The following NR3C2 variants were observed in gnomAD, a reference collection of about 807,000 sequenced individuals.
NR3C2 encodes the protein mineralocorticoid receptor.
Under a neutral mutation model 86.4 loss-of-function variants are expected in NR3C2, and 15 were observed. The ratio of observed to expected loss-of-function variants is 0.17; its 90% CI spans 0.12 to 0.27. The LOEUF (loss-of-function observed/expected upper bound fraction) is 0.27, where lower values mean the gene tolerates loss of function less well. Ranked by LOEUF, NR3C2 falls within the 10% of genes least tolerant of loss-of-function variation. The pLI is 1.00. For missense variants in NR3C2, 960 were observed against 1,195.6 expected, an observed-to-expected ratio of 0.80 and a Z score of 2.91; for synonymous variants, 458 against 450.5, an observed-to-expected ratio of 1.02 and a Z score of -0.21.
At chr4:148,287,583 C>T (rs1017045422) in intron 2 of NR3C2, among the ~76,000 whole-genome samples, 1 of 152,064 alleles carries the variant, frequency 6.6e-6, no homozygotes, top group Non-Finnish European at 1.5e-5. Context: ...AATTACTATA[C>T]TTAAAAAATT....
chr4:148,336,958 AT>A (rs1292585230), intron 2 of NR3C2, among the ~76,000 whole-genome samples: 1 of 151,566 alleles, frequency 6.6e-6, no homozygotes, highest in Non-Finnish European at 1.5e-5. Context: ...TGCCTGACTA[AT>A]TTTTTTTACA....
rs1741965243 is a variant in NR3C2, at chr4:148,294,780, C to A, written c.1758-34663G>T. Among the ~76,000 whole-genome samples, 9 of 151,498 alleles carry A rather than the reference C, an allele frequency of 5.9e-5. No homozygotes were observed. In the South Asian group the frequency reaches 1.9e-3, roughly 32 times the overall value. On this transcript the variant is annotated intron_variant, in intron 2 of 8. Transcript: ENST00000358102. The stretch of plus-strand genomic sequence containing the variant: ...TCACTTGAGCCCAGGAGTTCAAGAC[C>A]AGCTTGGGCAACACAGCAAGACCCT...
At chr4:148,202,724 C>T (rs1006560860) in intron 3 of NR3C2, among the ~76,000 whole-genome samples, 2 of 152,122 alleles carry the variant, frequency 1.3e-5, no homozygotes, top group African/African-American at 2.4e-5. Context: ...CTCACAAATA[C>T]GGACCCATAC....
At chr4:148,259,472 A>T (rs576945347) in intron 3 of NR3C2, among the ~76,000 whole-genome samples, 22 of 152,190 alleles carry the variant, frequency 1.4e-4, no homozygotes, top group Non-Finnish European at 2.9e-4. Context: ...AACTTTCAGG[A>T]GGAATAAAGG....
chr4:148,090,349 CCAG>C (rs1731005809), intron 8 of NR3C2, among the ~76,000 whole-genome samples: 2 of 152,120 alleles, frequency 1.3e-5, no homozygotes, highest in Non-Finnish European at 2.9e-5. Flanking sequence ...CATTGGGGGA[CCAG>C]CAAGTGCAGG....
intron 8 of NR3C2, among the ~76,000 whole-genome samples, chr4:148,095,808 G>A (rs1731254164): frequency 6.6e-6 from 1 of 152,178 alleles, no homozygotes; most frequent in African/African-American, 2.4e-5. Flanking sequence ...AGGGTGGAGG[G>A]GTGGAGTAGG....
intron 2 of NR3C2, among the ~76,000 whole-genome samples, chr4:148,279,968 AC>A (rs1218498231): frequency 6.6e-6 from 1 of 152,076 alleles, no homozygotes; most frequent in Admixed American, 6.6e-5. Flanking sequence ...CAGGTGATGC[AC>A]CTGCCTCGGC....
intron 2 of NR3C2, among the ~76,000 whole-genome samples, chr4:148,434,314 C>T (rs1749933879): frequency 6.6e-6 from 1 of 152,178 alleles, no homozygotes; most frequent in Non-Finnish European, 1.5e-5. Flanking sequence ...TCTAAAACCT[C>T]TTCCTTGTTT....
At chr4:148,403,081 A>G (rs1288017108) in intron 2 of NR3C2, among the ~76,000 whole-genome samples, 1 of 152,090 alleles carries the variant, frequency 6.6e-6, no homozygotes, top group South Asian at 2.1e-4. Context: ...CACAGATTCT[A>G]TAAGGCACTT....
rs1375922956 is a variant in NR3C2 at position 148,396,765 on chromosome 4, C to T, written c.1757+38339G>A. Among the ~76,000 whole-genome samples the T allele has an allele frequency of 2.6e-5, 4 of 152,138 alleles. No individual in the cohort carries two copies. The South Asian group carries it at 6.2e-4, about 24-fold the overall frequency. ...GTAAAATGATTAGCTGAAAACATTACACTCTAATAAACTCTGAATAATTCT... is the reference window on the plus strand; with the variant it reads ...GTAAAATGATTAGCTGAAAACATTATACTCTAATAAACTCTGAATAATTCT... On this transcript the variant is annotated intron_variant, in intron 2 of 8. Transcript: ENST00000358102.
chr4:148,173,146 G>C (rs1290878840), intron 4 of NR3C2, among the ~76,000 whole-genome samples: 1 of 152,202 alleles, frequency 6.6e-6, no homozygotes, highest in Non-Finnish European at 1.5e-5. Flanking sequence ...AGGGAGTAAG[G>C]ACAGAGAGGG....
chr4:148,316,326 T>A (rs554210730), intron 2 of NR3C2, among the ~76,000 whole-genome samples: 2 of 152,312 alleles, frequency 1.3e-5, no homozygotes, highest in Admixed American at 1.3e-4. Context: ...TGTATAGTTA[T>A]GTATAATAAA....
At chr4:148,083,235 G>A (rs1448416447) in intron 8 of NR3C2, among the ~76,000 whole-genome samples, 1 of 152,164 alleles carries the variant, frequency 6.6e-6, no homozygotes, top group Non-Finnish European at 1.5e-5. Context: ...GCTAAGGGAC[G>A]GACTGCCTCC....
At chr4:148,186,996 G>A (rs6854559) in intron 4 of NR3C2, among the ~76,000 whole-genome samples, 1,277 of 26,976 alleles carry the variant, frequency 0.047, 166 homozygotes, top group African/African-American at 0.079. Flanking sequence ...GTGTATGTAT[G>A]TATATATATA....
rs1243893239 is a variant in NR3C2, at chr4:148,257,883, C to T, written c.1897+2095G>A. Among the ~76,000 whole-genome samples the T allele has an allele frequency of 1.3e-5, 2 of 152,060 alleles. 1 individual carries two copies. Among genetic ancestry groups the T allele is most frequent in the African/African-American group, 4.8e-5 (2 of 41,400 alleles). On this transcript the variant is annotated intron_variant, in intron 3 of 8. Transcript: ENST00000358102. ...CAAAATAAACTATATTAATACAAGT[C>T]TTAAAAGGCATTTACCAAGTTTCAT...
At chr4:148,147,696 C>T (rs1166448627) in intron 6 of NR3C2, among the ~76,000 whole-genome samples, 3 of 152,200 alleles carry the variant, frequency 2.0e-5, no homozygotes, top group African/African-American at 4.8e-5. Flanking sequence ...GCACTCTGCC[C>T]TCAAGTGAGT....
At chr4:148,215,044 G>A (rs1034463029) in intron 3 of NR3C2, among the ~76,000 whole-genome samples, 2 of 152,138 alleles carry the variant, frequency 1.3e-5, no homozygotes, top group Non-Finnish European at 2.9e-5. Context: ...AGCCCTACTG[G>A]GCAGGATTCT....
intron 2 of NR3C2, among the ~76,000 whole-genome samples, chr4:148,417,464 C>A (rs1749069356): frequency 6.6e-6 from 1 of 152,090 alleles, no homozygotes; most frequent in South Asian, 2.1e-4. Flanking sequence ...GGCATTATAT[C>A]TTAAGCATAG....
intron 2 of NR3C2, among the ~76,000 whole-genome samples, chr4:148,397,762 T>C (rs917412162): frequency 6.6e-6 from 1 of 152,178 alleles, no homozygotes; most frequent in Non-Finnish European, 1.5e-5. Context: ...AGCTCAAAAA[T>C]GGAAGCTGTC....
Sources: gnomAD v4.1 joint callset for allele counts (sites outside exome capture counted in the v4.1 genomes callset) on GRCh38, gnomAD v4.1.1 for gene constraint, MANE v1.5 for transcripts, NCBI Gene and HGNC (gene_info 2026-07-23, HGNC 2026-07-21) for gene names.